ADAMTS6: variants seen among roughly 807,000 people sequenced by gnomAD.
ADAMTS6 encodes ADAM metallopeptidase with thrombospondin type 1 motif 6.
A neutral mutation model predicts 144.3 loss-of-function variants in ADAMTS6; 23 were observed. The ratio of observed to expected loss-of-function variants is 0.16; its 90% CI spans 0.11 to 0.23. The LOEUF (loss-of-function observed/expected upper bound fraction) is 0.23, where lower values mean the gene tolerates loss of function less well. Ranked by LOEUF, ADAMTS6 falls within the 10% of genes least tolerant of loss-of-function variation. ADAMTS6 has a pLI of 1.00. For missense variants in ADAMTS6, 999 were observed against 1,379.6 expected, an observed-to-expected ratio of 0.72 and a Z score of 4.37; for synonymous variants, 444 against 457.5, an observed-to-expected ratio of 0.97 and a Z score of 0.38.
At chr5:65,348,583 A>C (rs1415492180) in intron 7 of ADAMTS6, among the ~76,000 whole-genome samples, 1 of 152,166 alleles carries the variant, frequency 6.6e-6, no homozygotes. Context: ...GATCTATTGC[A>C]CAGCATGGAG....
intron 2 of ADAMTS6, among the ~76,000 whole-genome samples, chr5:65,473,213 T>C (rs564561764): frequency 3.3e-5 from 5 of 152,264 alleles, no homozygotes; most frequent in African/African-American, 1.2e-4. Context: ...TCATAATTTA[T>C]CTGGTTTCTT....
intron 21 of ADAMTS6, among the ~76,000 whole-genome samples, chr5:65,193,342 G>A (rs1755131572): frequency 1.3e-5 from 2 of 151,858 alleles, no homozygotes; most frequent in Admixed American, 1.3e-4. Flanking sequence ...AATACATTAA[G>A]AGTTCATTCA....
chr5:65,180,424 T>A (rs1754272753), intron 22 of ADAMTS6, among the ~76,000 whole-genome samples: 1 of 152,118 alleles, frequency 6.6e-6, no homozygotes, highest in African/African-American at 2.4e-5. Context: ...CATAGCCAAA[T>A]CAATATCCTC....
At chr5:65,397,438 T>C (rs866277323) in intron 7 of ADAMTS6, among the ~76,000 whole-genome samples, 2 of 152,152 alleles carry the variant, frequency 1.3e-5, no homozygotes, top group South Asian at 4.1e-4. Flanking sequence ...TTCTAATATA[T>C]GCAACCAATG....
chr5:65,361,554 A>C (rs139621370), intron 7 of ADAMTS6, among the ~76,000 whole-genome samples: 3 of 152,152 alleles, frequency 2.0e-5, no homozygotes, highest in African/African-American at 7.2e-5. Flanking sequence ...GATGTGGAAA[A>C]AAAGTCCATG....
Position 65,334,026 on chromosome 5 carries a change from A to AAC in ADAMTS6, c.1117+15_1117+16insGT. 3.8e-6 allele frequency: 5 copies of AAC among 1,299,254 alleles called. No homozygotes were observed. The highest frequency in any genetic ancestry group is 4.0e-6 in the Non-Finnish European group (4 of 1,002,170). The allele number at this position is 1,299,254 out of a possible 1,614,324, so 80.5% of individuals were successfully genotyped here. A position where few individuals can be genotyped will look rare whatever the true frequency, so the allele number is the denominator to read the frequency against. On this transcript the variant is annotated intron_variant, in intron 8 of 24. Coordinates refer to ENST00000381055, the MANE Select transcript of ADAMTS6 (RefSeq NM_197941.4). The stretch of plus-strand genomic sequence containing the variant: ...AAAAAAAAAAAAAAAAAAAAAAAAA[A>AAC]CCAAAAAAAACTTACCCAGTGTTCC...
intron 7 of ADAMTS6, among the ~76,000 whole-genome samples, chr5:65,358,271 T>C (rs1171089750): frequency 6.6e-6 from 1 of 151,948 alleles, no homozygotes; most frequent in Non-Finnish European, 1.5e-5. Flanking sequence ...CAACAATCTT[T>C]CTTGGTAAAA....
intron 9 of ADAMTS6, among the ~76,000 whole-genome samples, chr5:65,328,291 G>T (rs1056263108): frequency 3.9e-5 from 6 of 152,010 alleles, no homozygotes; most frequent in Non-Finnish European, 7.4e-5. Context: ...AATTACCTCT[G>T]AGGTAAGTAT....
At chr5:65,311,075 T>C (rs1744452320) in intron 9 of ADAMTS6, among the ~76,000 whole-genome samples, 1 of 152,140 alleles carries the variant, frequency 6.6e-6, no homozygotes. Flanking sequence ...ATGCACAGTA[T>C]CCCTTGTAAT....
intron 14 of ADAMTS6, among the ~76,000 whole-genome samples, chr5:65,250,122 GA>G (rs888070178): frequency 1.1e-4 from 16 of 152,268 alleles, no homozygotes; most frequent in African/African-American, 3.9e-4. Context: ...TTCCTCTTCA[GA>G]AAAGTGATTT....
At chr5:65,265,719 T>C (rs1761570217) in intron 12 of ADAMTS6, among the ~76,000 whole-genome samples, 1 of 152,040 alleles carries the variant, frequency 6.6e-6, no homozygotes, top group Non-Finnish European at 1.5e-5. Flanking sequence ...TTATTTTATA[T>C]AATCACAGAG....
At chr5:65,389,064 C>G (rs1345179792) in intron 7 of ADAMTS6, among the ~76,000 whole-genome samples, 2 of 152,018 alleles carry the variant, frequency 1.3e-5, no homozygotes, top group African/African-American at 2.4e-5. Context: ...ATTAGCCGGG[C>G]GTGGTGGCGG....
Position 65,320,920 on chromosome 5 carries a change from T to C in ADAMTS6, c.1223+8458A>G, listed in dbSNP as rs1277468994. ...GCTGCATAGTATTCCATGGTGTGCA[T>C]GTACCACATTTTCTTTATCCAGTCT... On this transcript the variant is annotated intron_variant, in intron 9 of 24. Transcript: ENST00000381055. Among the ~76,000 whole-genome samples the C allele has an allele frequency of 3.9e-5, 6 of 152,328 alleles. No homozygotes were observed. In the East Asian group the frequency reaches 1.2e-3, roughly 29 times the overall value.
intron 1 of ADAMTS6, among the ~76,000 whole-genome samples, chr5:65,479,667 A>G (rs992539807): frequency 2.6e-5 from 4 of 152,204 alleles, no homozygotes; most frequent in Non-Finnish European, 5.9e-5. Flanking sequence ...CACAAACTTG[A>G]TAAAATTTGG....
chr5:65,453,656 C>A (rs1758938662), intron 4 of ADAMTS6, among the ~76,000 whole-genome samples: 1 of 152,166 alleles, frequency 6.6e-6, no homozygotes, highest in Non-Finnish European at 1.5e-5. Flanking sequence ...TAGAAGCAGC[C>A]TTTTAGCACT....
chr5:65,175,337 A>G (rs1304968325), intron 22 of ADAMTS6, among the ~76,000 whole-genome samples: 1 of 152,006 alleles, frequency 6.6e-6, no homozygotes, highest in African/African-American at 2.4e-5. Flanking sequence ...TCAAAAAGAG[A>G]GAGACAGAAA....
At chr5:65,422,177 A>C (rs1209827765) in intron 7 of ADAMTS6, among the ~76,000 whole-genome samples, 1 of 152,250 alleles carries the variant, frequency 6.6e-6, no homozygotes, top group African/African-American at 2.4e-5. Context: ...GAAGATATAC[A>C]AATGGCCAAA....
chr5:65,418,866 C>G (rs1755775528), intron 7 of ADAMTS6, among the ~76,000 whole-genome samples: 1 of 152,058 alleles, frequency 6.6e-6, no homozygotes, highest in South Asian at 2.1e-4. Flanking sequence ...TCACACTAGT[C>G]AGAATGGCTA....
At chr5:65,350,030 A>C (rs2150087744) in intron 7 of ADAMTS6, among the ~76,000 whole-genome samples, 1 of 152,286 alleles carries the variant, frequency 6.6e-6, no homozygotes, top group Middle Eastern at 3.4e-3. Context: ...TCAGCTGTTA[A>C]TTTTCTTCAC....
Sources: gnomAD v4.1 joint callset for allele counts (sites outside exome capture counted in the v4.1 genomes callset) on GRCh38, gnomAD v4.1.1 for gene constraint, MANE v1.5 for transcripts, NCBI Gene and HGNC (gene_info 2026-07-23, HGNC 2026-07-21) for gene names.